Variants in DCAF8L2 observed in about 807,000 individuals in gnomAD.
The protein encoded by DCAF8L2 is DDB1- and CUL4-associated factor 8-like protein 2.
For missense variants in DCAF8L2, 430 were observed against 490.7 expected, an observed-to-expected ratio of 0.88 and a Z score of 1.17; for synonymous variants, 200 against 190.9, an observed-to-expected ratio of 1.05 and a Z score of -0.39.
the DCAF8L2 span, among the ~76,000 whole-genome samples, chrX:27,567,016 A>G: frequency 9.0e-6 from 1 of 111,189 alleles, no homozygotes; most frequent in African/African-American, 3.3e-5. Context: ...TAGTTTCCAC[A>G]TATTTGTGAA....
chrX:27,636,859 C>A (rs982349753), intron 2 of DCAF8L2, among the ~76,000 whole-genome samples: 3 of 111,881 alleles, frequency 2.7e-5, no homozygotes, highest in Non-Finnish European at 5.6e-5. Context: ...TAGCTAGATG[C>A]AGAAAAGCAA....
the DCAF8L2 span, among the ~76,000 whole-genome samples, chrX:27,579,142 G>T: frequency 8.9e-6 from 1 of 111,753 alleles, no homozygotes; most frequent in Admixed American, 9.5e-5. Context: ...CAATAGCAAA[G>T]ACATGAAATC....
intron 4 of DCAF8L2, among the ~76,000 whole-genome samples, chrX:27,717,494 C>G (rs1200173446): frequency 2.7e-5 from 3 of 112,520 alleles, no homozygotes; most frequent in Non-Finnish European, 3.8e-5. Context: ...TGATGATGAG[C>G]TTTTTTTCAT....
chrX:27,472,451 A>G, the DCAF8L2 span, among the ~76,000 whole-genome samples: 6 of 111,497 alleles, frequency 5.4e-5, no homozygotes, highest in Non-Finnish European at 9.4e-5. Flanking sequence ...ACATAGGTAA[A>G]CGTGTGCCAT....
At chrX:27,728,316 CTTGTTGTTG>C (rs60828124) in intron 4 of DCAF8L2, among the ~76,000 whole-genome samples, 1 of 109,733 alleles carries the variant, frequency 9.1e-6, no homozygotes, top group Admixed American at 9.8e-5. Flanking sequence ...AATTCAATGT[CTTGTTGTTG>C]TTGTTGTTGT....
At chrX:27,676,438 G>A (rs995497556) in intron 2 of DCAF8L2, among the ~76,000 whole-genome samples, 1 of 111,351 alleles carries the variant, frequency 9.0e-6, no homozygotes. Context: ...ATGAATAAAT[G>A]TATGTCTACT....
chrX:27,625,238 T>C (rs1456131484), intron 1 of DCAF8L2, among the ~76,000 whole-genome samples: 3 of 111,925 alleles, frequency 2.7e-5, no homozygotes, highest in Non-Finnish European at 5.6e-5. Flanking sequence ...AACAAGCATA[T>C]GAAAAAGTGC....
chrX:27,579,917 A>T, the DCAF8L2 span, among the ~76,000 whole-genome samples: 1 of 108,694 alleles, frequency 9.2e-6, no homozygotes, highest in Non-Finnish European at 1.9e-5. Context: ...TATTATATTA[A>T]ATAATATAGT....
At chrX:27,476,142 A>G in the DCAF8L2 span, among the ~76,000 whole-genome samples, 1 of 110,860 alleles carries the variant, frequency 9.0e-6, no homozygotes, top group Admixed American at 9.7e-5. Context: ...GATTGCAACT[A>G]GAGAGGAAAG....
the DCAF8L2 span, among the ~76,000 whole-genome samples, chrX:27,557,211 G>A: frequency 8.9e-6 from 1 of 112,088 alleles, no homozygotes; most frequent in African/African-American, 3.2e-5. Context: ...CTATCAGTTT[G>A]AATGATCAAA....
chrX:27,481,263 A>G, the DCAF8L2 span, among the ~76,000 whole-genome samples: 2 of 110,622 alleles, frequency 1.8e-5, no homozygotes, highest in African/African-American at 6.6e-5. Context: ...CTGTAATCCC[A>G]GCTACTCAGG....
At chrX:27,594,587 C>T (rs1199137425) in intron 1 of DCAF8L2, among the ~76,000 whole-genome samples, 1 of 111,206 alleles carries the variant, frequency 9.0e-6, no homozygotes, top group Non-Finnish European at 1.9e-5. Context: ...CAAATGTATA[C>T]GTTAACTCTT....
At chrX:27,551,969 C>T in the DCAF8L2 span, among the ~76,000 whole-genome samples, 1 of 111,811 alleles carries the variant, frequency 8.9e-6, no homozygotes, top group Non-Finnish European at 1.9e-5. Flanking sequence ...TAAGAGTTTC[C>T]CTTTCTCCGC....
At chrX:27,746,262 C>A (rs1922157384) in intron 4 of DCAF8L2, among the ~76,000 whole-genome samples, 1 of 112,310 alleles carries the variant, frequency 8.9e-6, no homozygotes, top group Non-Finnish European at 1.9e-5. Context: ...AAAAAGTATT[C>A]ATCCTTTATC....
the DCAF8L2 span, among the ~76,000 whole-genome samples, chrX:27,521,051 T>G: frequency 2.7e-5 from 3 of 112,376 alleles, no homozygotes; most frequent in African/African-American, 9.7e-5. Context: ...TATGAAATTA[T>G]TAAGTTATAA....
At chrX:27,509,920 GA>G in the DCAF8L2 span, among the ~76,000 whole-genome samples, 1 of 111,239 alleles carries the variant, frequency 9.0e-6, no homozygotes, top group Non-Finnish European at 1.9e-5. Context: ...ATAGAATGAG[GA>G]AACATTGGTT....
chrX:27,589,097 G>C (rs961276481), upstream of DCAF8L2, among the ~76,000 whole-genome samples: 1 of 63,602 alleles, frequency 1.6e-5, no homozygotes, highest in Admixed American at 2.0e-4. Flanking sequence ...AGTTCTTAGT[G>C]TCACTCATTT....
chrX:27,579,818 G>A, the DCAF8L2 span, among the ~76,000 whole-genome samples: 23 of 109,864 alleles, frequency 2.1e-4, no homozygotes, highest in Admixed American at 6.9e-4. Context: ...TTTCTACAGA[G>A]CCAGATGTAG....
At chrX:27,530,742 T>C in the DCAF8L2 span, among the ~76,000 whole-genome samples, 1 of 112,148 alleles carries the variant, frequency 8.9e-6, no homozygotes, top group Non-Finnish European at 1.9e-5. Flanking sequence ...ATTGTAGAAT[T>C]ACACTCACTC....
Sources: allele counts gnomAD v4.1 joint callset (sites outside exome capture counted in the v4.1 genomes callset), GRCh38; gene constraint gnomAD v4.1.1; transcripts MANE v1.5; gene names NCBI Gene and HGNC (gene_info 2026-07-23, HGNC 2026-07-21).